SLC39A11: variants seen among roughly 807,000 people sequenced by gnomAD.
SLC39A11 encodes the protein solute carrier family 39 member 11.
A neutral mutation model predicts 36.1 loss-of-function variants in SLC39A11; 33 were observed. The ratio of observed to expected loss-of-function variants is 0.91; its 90% confidence interval spans 0.69 to 1.22. The LOEUF is 1.22. Among genes scored for constraint, SLC39A11 ranks in the 50% most tolerant of loss-of-function variants. The pLI is 0.00. For missense variants in SLC39A11, 432 were observed against 430.3 expected, an observed-to-expected ratio of 1.00 and a Z score of -0.03; for synonymous variants, 166 against 170.3, an observed-to-expected ratio of 0.97 and a Z score of 0.20.
At chr17:72,854,119 C>G (rs2079514373) in intron 5 of SLC39A11, among the ~76,000 whole-genome samples, 1 of 152,104 alleles carries the variant, frequency 6.6e-6, no homozygotes, top group African/African-American at 2.4e-5. Context: ...AATGAGTCCT[C>G]AATCCTTACA....
intron 6 of SLC39A11, among the ~76,000 whole-genome samples, chr17:72,781,502 C>T (rs1000115188): frequency 1.3e-5 from 2 of 151,966 alleles, no homozygotes; most frequent in Admixed American, 6.5e-5. Context: ...CGGCTCACTG[C>T]AACCTCCACC....
chr17:73,051,310 A>T (rs1432141908), intron 3 of SLC39A11, among the ~76,000 whole-genome samples: 1 of 152,144 alleles, frequency 6.6e-6, no homozygotes, highest in Non-Finnish European at 1.5e-5. Flanking sequence ...TTTCCATGAC[A>T]GTAACTTGTT....
intron 7 of SLC39A11, among the ~76,000 whole-genome samples, chr17:72,732,405 G>A (rs780691705): frequency 2.0e-5 from 3 of 152,074 alleles, no homozygotes; most frequent in Non-Finnish European, 4.4e-5. Flanking sequence ...CTTCCCTAAC[G>A]TCTCTTTCCT....
chr17:72,929,801 A>G (rs1479309847), intron 5 of SLC39A11, among the ~76,000 whole-genome samples: 2 of 152,184 alleles, frequency 1.3e-5, no homozygotes, highest in Non-Finnish European at 2.9e-5. Flanking sequence ...AATAAAGAAA[A>G]GAACTGCCAA....
At chr17:72,830,372 G>A (rs2078228163) in intron 6 of SLC39A11, among the ~76,000 whole-genome samples, 1 of 151,916 alleles carries the variant, frequency 6.6e-6, no homozygotes, top group Admixed American at 6.6e-5. Flanking sequence ...TTAAGAGGAA[G>A]GTAGCCATGC....
At position 72,736,730 on chromosome 17, in the gene SLC39A11, T is replaced by A; in HGVS notation, c.602-11A>T. The A allele has an allele frequency of 6.2e-7, 1 of 1,611,952 alleles. No homozygotes were observed. Among genetic ancestry groups the A allele is most frequent in the South Asian group, 1.1e-5 (1 of 91,034 alleles). On this transcript the variant is annotated splice_polypyrimidine_tract_variant and intron_variant, in intron 6 of 9. Transcript: ENST00000255559. The stretch of plus-strand genomic sequence containing the variant: ...CAACAGCGAGACCCTCTGAAATAGA[T>A]GTAAGAAAAGCAAGAGGGGTTAGGA...
At chr17:72,922,567 A>G (rs1410545307) in intron 5 of SLC39A11, among the ~76,000 whole-genome samples, 1 of 152,212 alleles carries the variant, frequency 6.6e-6, no homozygotes, top group African/African-American at 2.4e-5. Flanking sequence ...ATTTCACTGG[A>G]TGTCTTCACA....
intron 4 of SLC39A11, among the ~76,000 whole-genome samples, chr17:72,951,907 T>C (rs2085888862): frequency 6.6e-6 from 1 of 152,168 alleles, no homozygotes; most frequent in African/African-American, 2.4e-5. Context: ...TTTTCACCTT[T>C]CTATCAATCT....
intron 4 of SLC39A11, among the ~76,000 whole-genome samples, chr17:72,968,469 G>A (rs1402810905): frequency 6.6e-6 from 1 of 152,148 alleles, no homozygotes; most frequent in Non-Finnish European, 1.5e-5. Flanking sequence ...CACACAGAAG[G>A]AAGTGACTAA....
intron 5 of SLC39A11, among the ~76,000 whole-genome samples, chr17:72,929,270 CG>C (rs1034080732): frequency 6.6e-6 from 1 of 152,162 alleles, no homozygotes; most frequent in African/African-American, 2.4e-5. Flanking sequence ...CACACATTGA[CG>C]GGGGGTACTA....
At chr17:73,042,036 T>C (rs1478429814) in intron 3 of SLC39A11, among the ~76,000 whole-genome samples, 2 of 152,174 alleles carry the variant, frequency 1.3e-5, no homozygotes, top group Non-Finnish European at 1.5e-5. Context: ...ACTTAACACC[T>C]ACCCCACATT....
At chr17:72,670,160 T>TACACACACAC (rs202032502) in intron 7 of SLC39A11, among the ~76,000 whole-genome samples, 1 of 104,670 alleles carries the variant, frequency 9.6e-6, no homozygotes, top group Non-Finnish European at 2.1e-5. Context: ...ACATTTTATA[T>TACACACACAC]ACACACACAC....
intron 3 of SLC39A11, among the ~76,000 whole-genome samples, chr17:73,062,804 C>A (rs1779648128): frequency 6.6e-6 from 1 of 152,160 alleles, no homozygotes; most frequent in African/African-American, 2.4e-5. Flanking sequence ...GCGTTAGAGT[C>A]TCATAAGGAG....
rs2074092208 is a variant in SLC39A11 at position 72,729,430 on chromosome 17, TATATATATATATATATATATATATA to T, written c.671+7195_671+7219del. Among the ~76,000 whole-genome samples the T allele has an allele frequency of 3.8e-3, 12 of 3,178 alleles. 2 individuals are homozygous for T. Among genetic ancestry groups the T allele is most frequent in the East Asian group, 8.8e-3 (2 of 226 alleles). 2.1% of individuals were successfully genotyped at this position (3,178 alleles called of 152,430 possible). On this transcript the variant is annotated intron_variant, in intron 7 of 9. Transcript: ENST00000255559. The stretch of plus-strand genomic sequence containing the variant: ...TTATATATATATATATATATATATA[TATATATATATATATATATATATATA>T]TATTTTTTTTTTTTTTTTTTTTTGT...
chr17:72,665,407 T>G (rs1445376768), intron 7 of SLC39A11, among the ~76,000 whole-genome samples: 1 of 146,556 alleles, frequency 6.8e-6, no homozygotes, highest in South Asian at 2.3e-4. Context: ...TTTTTTTTTT[T>G]TTTGAGACAG....
At chr17:72,840,217 A>G (rs991596819) in intron 6 of SLC39A11, among the ~76,000 whole-genome samples, 1 of 152,216 alleles carries the variant, frequency 6.6e-6, no homozygotes, top group Non-Finnish European at 1.5e-5. Flanking sequence ...CATGACCAAA[A>G]CCAACTGTTG....
At chr17:73,075,181 C>T (rs2060280136) in intron 3 of SLC39A11, among the ~76,000 whole-genome samples, 1 of 152,172 alleles carries the variant, frequency 6.6e-6, no homozygotes, top group Non-Finnish European at 1.5e-5. Context: ...AACTAAAATC[C>T]AACTGAAACA....
intron 3 of SLC39A11, among the ~76,000 whole-genome samples, chr17:73,038,365 A>G (rs929469503): frequency 6.6e-6 from 1 of 152,064 alleles, no homozygotes; most frequent in African/African-American, 2.4e-5. Flanking sequence ...AGAAGTCTCA[A>G]TGCTGAACAA....
At chr17:72,741,109 G>C (rs923461779) in intron 6 of SLC39A11, among the ~76,000 whole-genome samples, 53 of 152,174 alleles carry the variant, frequency 3.5e-4, no homozygotes, top group African/African-American at 1.2e-3. Flanking sequence ...CGCAACACTT[G>C]AGCTCACTGC....
Sources: allele counts gnomAD v4.1 joint callset (sites outside exome capture counted in the v4.1 genomes callset), GRCh38; gene constraint gnomAD v4.1.1; transcripts MANE v1.5; gene names NCBI Gene and HGNC (gene_info 2026-07-23, HGNC 2026-07-21).